The following BRPF1 variants were observed in gnomAD, a reference collection of about 807,000 sequenced individuals.
The protein encoded by BRPF1 is peregrin.
Under a neutral mutation model 115.0 loss-of-function variants are expected in BRPF1, and 15 were observed. The ratio of observed to expected loss-of-function variants is 0.13; its 90% CI spans 0.09 to 0.20. The LOEUF (loss-of-function observed/expected upper bound fraction) is 0.20, where lower values mean the gene tolerates loss of function less well. Among genes scored for constraint, BRPF1 ranks in the 10% least tolerant of loss-of-function variants. The probability of loss-of-function intolerance (pLI) is 1.00; values close to 1 mark genes in which losing one functional copy is unlikely to be tolerated. For missense variants in BRPF1, 1,118 were observed against 1,638.3 expected (o/e 0.68, Z 5.48); for synonymous variants, 647 against 619.8 (o/e 1.04, Z -0.65).
At position 9,741,593 on chromosome 3, in the gene BRPF1, T is replaced by G. The variant is rs557736018; in HGVS notation, c.1854+154T>G. On this transcript the variant is annotated intron_variant, in intron 5 of 13. Transcript: ENST00000383829. ...AGGGGTTTGCAGTGAGCCAAGATCG[T>G]GCCACTGTACTCCAGCCTGGGCGAC... Among the ~76,000 whole-genome samples, 1,015 of 142,018 alleles carry G rather than the reference T, an allele frequency of 7.1e-3. 8 individuals are homozygous for G. Among genetic ancestry groups the G allele is most frequent in the Admixed American group, 0.012 (152 of 13,068 alleles). 93.2% of individuals were successfully genotyped at this position (142,018 alleles called of 152,430 possible).
In BRPF1 at chr3:9,744,519, C is replaced by T. The variant is rs748876690; in HGVS notation, c.2920+11C>T. ...AAGACCCCCCAATGGGTGAGCCTTA[C>T]CATCACCCAGCCCCCCAAGAGAGTG... On this transcript the variant is annotated intron_variant, in intron 9 of 13. Coordinates refer to ENST00000383829, the MANE Select transcript of BRPF1 (RefSeq NM_001003694.2). 1 of 1,500,192 alleles carries T rather than the reference C, an allele frequency of 6.7e-7. No individual in the cohort carries two copies. The highest frequency in any genetic ancestry group is 2.4e-5 in the East Asian group (1 of 42,280). The allele number at this position is 1,500,192 out of a possible 1,614,324, so 92.9% of individuals were successfully genotyped here. A position where few individuals can be genotyped will look rare whatever the true frequency, so the allele number is the denominator to read the frequency against.
In BRPF1 at chr3:9,740,883, C is replaced by G. The variant is rs1454670315; in HGVS notation, c.1664C>G (p.Pro555Arg). The G allele has an allele frequency of 6.2e-7, 1 of 1,613,952 alleles. No homozygotes were observed. Among genetic ancestry groups the G allele is most frequent in the Non-Finnish European group, 8.5e-7 (1 of 1,180,050 alleles). ...AAGCGGCAGTCACGGAATGGGGTCC[C>G]ATTGCTACGTCGCCTGCAGACACAC... ...TLKRQSRNGV[P>R]LLRRLQTHLQ... The change falls in exon 4 of 14, where the codon CCA (proline) becomes CGA (arginine). Residue 555 changes from proline (P) to arginine (R), a missense_variant. By Grantham distance (103) the Pro-to-Arg change is moderately radical (BLOSUM62 -2). This residue lies in a region of BRPF1 where 178 missense variants were observed against 303.7 expected (regional missense o/e 0.59). Transcript: ENST00000383829.
chr3:9,745,305 A>G lies in BRPF1; in HGVS notation c.3068+150A>G, dbSNP rs2077104175. ...TCAAGGTTCTCTGCTAAATAAATAA[A>G]TCAGTGTTACCATTAATAGAACAGA... On this transcript the variant is annotated intron_variant, in intron 10 of 13. Transcript: ENST00000383829. The surrounding 1 kb of genome is among the most constrained non-coding windows in gnomAD (Gnocchi z 5.1). 9.3e-7 allele frequency: 1 copy of G among 1,079,708 alleles called. No individual in the cohort carries two copies. Among genetic ancestry groups the G allele is most frequent in the Admixed American group, 2.9e-5 (1 of 34,748 alleles). 66.9% of individuals were successfully genotyped at this position (1,079,708 alleles called of 1,614,324 possible).
rs36081837 is a variant in BRPF1 at position 9,747,283 on chromosome 3, C to G, written c.3597C>G (p.His1199Gln). 2 of 1,614,248 alleles carry G rather than the reference C, an allele frequency of 1.2e-6. No homozygotes were observed. Among genetic ancestry groups the G allele is most frequent in the South Asian group, 2.2e-5 (2 of 91,092 alleles). Reference sequence around the variant, plus strand: ...GCAAGTCAGTACAGATCGCCTACCACAGGGCTCTGCAGCACCGCAGCAAGG... The same window carrying G: ...GCAAGTCAGTACAGATCGCCTACCAGAGGGCTCTGCAGCACCGCAGCAAGG... Reference protein sequence around the residue: ...NIRKSVQIAYHRALQHRSKVQ... With the variant: ...NIRKSVQIAYQRALQHRSKVQ... Residue 1199 changes from histidine to glutamine, a missense_variant, in exon 14 of 14, where the codon CAC (histidine) becomes CAG (glutamine). Around this residue, in one of 10 missense-constraint regions of BRPF1, gnomAD observed 76 missense variants for 166.1 expected, o/e 0.46. Transcript: ENST00000383829. This position sits in a 1 kb window ranked among gnomAD's most constrained non-coding sequence, Gnocchi z 5.6.
chr3:9,741,562 G>C, intron 5 of BRPF1, 123 bp downstream of exon 5: 2 of 1,050,576 alleles, frequency 1.9e-6, no homozygotes, highest in Non-Finnish European at 2.5e-6. Context: ...GCGTGAACCT[G>C]GGAGGAGGGG....
chr3:9,746,903 AG>A (rs1363660424), intron 13 of BRPF1, among the ~76,000 whole-genome samples: 1 of 152,202 alleles, frequency 6.6e-6, no homozygotes, highest in African/African-American at 2.4e-5. Context: ...CCTATGGCAC[AG>A]GGTAGCTATT....
In BRPF1 at chr3:9,740,930, G is replaced by T. The variant is rs759450597; in HGVS notation, c.1711G>T (p.Asp571Tyr). 5.6e-6 allele frequency: 9 copies of T among 1,611,940 alleles called. No individual in the cohort carries two copies. The highest frequency in any genetic ancestry group is 5.1e-6 in the Non-Finnish European group (6 of 1,179,926). Residue 571 changes from aspartate (D) to tyrosine (Y), a missense_variant, in exon 4 of 14, where the codon GAC (aspartate) becomes TAC (tyrosine). Asp to Tyr is a radical substitution (Grantham distance 160, BLOSUM62 -3). Transcript: ENST00000383829. ...QTHLQSQRNC[D>Y]QVGRDSEDKN... ...ACACCTGCAATCTCAGAGGAACTGTGACCAAGTTGGGGTACTGTGTCCAGT... is the reference window on the plus strand; with the variant it reads ...ACACCTGCAATCTCAGAGGAACTGTTACCAAGTTGGGGTACTGTGTCCAGT...
chr3:9,741,432 G>C lies in BRPF1; in HGVS notation c.1847G>C (p.Arg616Thr). The C allele has an allele frequency of 3.1e-6, 5 of 1,593,380 alleles. No individual in the cohort carries two copies. Among genetic ancestry groups the C allele is most frequent in the Non-Finnish European group, 3.4e-6 (4 of 1,168,192 alleles). Residue 616 changes from arginine to threonine, a missense_variant, in exon 5 of 14, where the codon AGG (arginine) becomes ACG (threonine). Arg to Thr is a moderately conservative substitution (Grantham distance 71). Coordinates refer to ENST00000383829, the MANE Select transcript of BRPF1 (RefSeq NM_001003694.2). ...ATCCGCAAGCGGGAAAAACTCAAAA[G>C]GGAGACGGTGAGTGCTCCTGGGCCA... ...ELIRKREKLKRETIKVQQIAM... is the reference protein window; with the variant it reads ...ELIRKREKLKTETIKVQQIAM...
chr3:9,739,404 C>T lies in BRPF1; in HGVS notation c.1005C>T (p.Asn335=). Residue 335 remains asparagine, a synonymous_variant, in exon 3 of 14, where the codon AAC becomes AAT. Transcript: ENST00000383829. The part of the protein sequence containing the change: ...SRAVDCALCP[N]KGGAFKQTDD... ...CTGTGGATTGTGCCCTGTGCCCCAA[C>T]AAGGGCGGTGCCTTCAAGCAGACAG... The T allele has an allele frequency of 1.2e-6, 2 of 1,614,220 alleles. No individual in the cohort carries two copies. The highest frequency in any genetic ancestry group is 1.7e-6 in the Non-Finnish European group (2 of 1,180,046).
Position 9,740,523 on chromosome 3 carries a change from G to C in BRPF1, c.1560-256G>C, listed in dbSNP as rs1206716225. On this transcript the variant is annotated intron_variant, in intron 3 of 13. Transcript: ENST00000383829. ...GGCTGCAGTGACTAGAGCAGTCTTA[G>C]GGGCAGAAGTCCCTGATTGCTGGTG... Among the ~76,000 whole-genome samples the C allele has an allele frequency of 4.6e-5, 7 of 152,198 alleles. No homozygotes were observed. The East Asian group carries it at 1.2e-3, about 25-fold the overall frequency.
Position 9,739,972 on chromosome 3 carries a change from C to A in BRPF1, c.1559+14C>A, listed in dbSNP as rs746554710. The A allele has an allele frequency of 6.5e-7, 1 of 1,549,296 alleles. No homozygotes were observed. The highest frequency in any genetic ancestry group is 1.4e-5 in the African/African-American group (1 of 73,974). On this transcript the variant is annotated intron_variant, in intron 3 of 13. Coordinates refer to ENST00000383829, the MANE Select transcript of BRPF1 (RefSeq NM_001003694.2). ...CCCACCACACAGGTATGTGGGGAGC[C>A]GGTGGACAGGCAGATGAGGGAGAAA...
In BRPF1 at chr3:9,745,758, G is replaced by A; in HGVS notation, c.3205+49G>A. On this transcript the variant is annotated intron_variant, in intron 11 of 13. Coordinates refer to ENST00000383829, the MANE Select transcript of BRPF1 (RefSeq NM_001003694.2). This position sits in a 1 kb window ranked among gnomAD's most constrained non-coding sequence, Gnocchi z 5.1. ...GGGATGCTGGGGACCCAGTGTCAGG[G>A]TCTCGCCAGCCCCCCAGCTGCTGAT... The A allele has an allele frequency of 6.2e-7, 1 of 1,611,214 alleles. No individual in the cohort carries two copies. Among genetic ancestry groups the A allele is most frequent in the Non-Finnish European group, 8.5e-7 (1 of 1,177,568 alleles).
Position 9,743,839 on chromosome 3 carries a change from G to T in BRPF1, c.2573G>T (p.Cys858Phe), listed in dbSNP as rs764921315. 1.0e-5 allele frequency: 16 copies of T among 1,607,334 alleles called. No homozygotes were observed. Among genetic ancestry groups the T allele is most frequent in the Middle Eastern group, 1.7e-4 (1 of 6,040 alleles). The change falls in exon 8 of 14, where the codon TGT becomes TTT. Residue 858 changes from cysteine (C) to phenylalanine (F), a missense_variant. Physicochemically the swap from Cys to Phe is radical, Grantham distance 205. This residue lies in a region of BRPF1 where 223 missense variants were observed against 240.7 expected (regional missense o/e 0.93). Transcript: ENST00000383829. The surrounding 1 kb of genome is among the most constrained non-coding windows in gnomAD (Gnocchi z 6.1). The stretch of plus-strand genomic sequence containing the variant: ...AGTCTGACACCCCACCCGGCAGCCT[G>T]TGACAAGGATGGGCAGACAGATAGT... ...RGSLTPHPAACDKDGQTDSAA... is the reference protein window; with the variant it reads ...RGSLTPHPAAFDKDGQTDSAA...
At chr3:9,733,276 G>C (rs1158027610) in intron 1 of BRPF1, 1 of 152,236 alleles carries the variant, frequency 6.6e-6, no homozygotes, top group Non-Finnish European at 1.5e-5. Flanking sequence ...CAACGCTAAA[G>C]CATTAGCCAC....
intron 8 of BRPF1, 149 bp downstream of exon 8, chr3:9,744,050 C>T: frequency 7.7e-7 from 1 of 1,299,304 alleles, no homozygotes; most frequent in African/African-American, 1.5e-5. Context: ...GGCCTCTTAG[C>T]TGCCTCTCTG....
chr3:9,744,648 C>T (rs1575166002), intron 9 of BRPF1, 140 bp downstream of exon 9: 5 of 679,170 alleles, frequency 7.4e-6, no homozygotes, highest in Middle Eastern at 4.1e-4. Context: ...TCCACTCACT[C>T]ATCTTACAGT....
At position 9,734,038 on chromosome 3, in the gene BRPF1, A is replaced by G. The variant is rs1208282417; in HGVS notation, c.-10-93A>G. 2 of 1,505,622 alleles carry G rather than the reference A, an allele frequency of 1.3e-6. No homozygotes were observed. The highest frequency in any genetic ancestry group is 1.8e-6 in the Non-Finnish European group (2 of 1,133,924). 93.3% of individuals were successfully genotyped at this position (1,505,622 alleles called of 1,614,324 possible). A position where few individuals can be genotyped will look rare whatever the true frequency, so the allele number is the denominator to read the frequency against. On this transcript the variant is annotated intron_variant, in intron 1 of 13. Coordinates refer to ENST00000383829, the MANE Select transcript of BRPF1 (RefSeq NM_001003694.2). This position sits in a 1 kb window ranked among gnomAD's most constrained non-coding sequence, Gnocchi z 5.7. ...AGGCTGGCCAGAATCTGGTGACTCCAAGTGAGGGGGAGGGCTAGAAAGACT... is the reference window on the plus strand; with the variant it reads ...AGGCTGGCCAGAATCTGGTGACTCCGAGTGAGGGGGAGGGCTAGAAAGACT...
At position 9,739,880 on chromosome 3, in the gene BRPF1, T is replaced by G; in HGVS notation, c.1481T>G (p.Met494Arg). 1 of 1,583,248 alleles carries G rather than the reference T, an allele frequency of 6.3e-7. No homozygotes were observed. Among genetic ancestry groups the G allele is most frequent in the South Asian group, 1.1e-5 (1 of 87,252 alleles). The change falls in exon 3 of 14, where the codon ATG (methionine) becomes AGG (arginine). Residue 494 changes from methionine (M) to arginine (R), a missense_variant. By Grantham distance (91) the Met-to-Arg change is moderately conservative. Coordinates refer to ENST00000383829, the MANE Select transcript of BRPF1 (RefSeq NM_001003694.2). Reference sequence around the variant, plus strand: ...GCCAAGGCCAAGTCCCGGATCAAAATGAAGAAGGCACGGAAGATCCTGGCA... The same window carrying G: ...GCCAAGGCCAAGTCCCGGATCAAAAGGAAGAAGGCACGGAAGATCCTGGCA... The part of the protein sequence containing the change: ...KKAKAKSRIK[M>R]KKARKILAEK...
intron 1 of BRPF1, among the ~76,000 whole-genome samples, chr3:9,732,868 C>T (rs181367397): frequency 5.3e-4 from 80 of 152,266 alleles, no homozygotes; most frequent in Non-Finnish European, 9.4e-4. Context: ...TGCCAAGCCC[C>T]TAGCTGAATG....
Sources: allele counts gnomAD v4.1 joint callset (sites outside exome capture counted in the v4.1 genomes callset), GRCh38; gene constraint gnomAD v4.1.1; regional missense constraint gnomAD v4.1.1; non-coding constraint Gnocchi (gnomAD v3.1); transcripts MANE v1.5; gene names NCBI Gene and HGNC (gene_info 2026-07-23, HGNC 2026-07-21).